DPP10: variants seen among roughly 807,000 people sequenced by gnomAD.
DPP10 encodes the protein dipeptidyl peptidase like 10.
Under a neutral mutation model 120.9 loss-of-function variants are expected in DPP10, and 33 were observed. The ratio of observed to expected loss-of-function variants is 0.27; its 90% CI spans 0.21 to 0.37. DPP10 has a LOEUF of 0.37. Among genes scored for constraint, DPP10 ranks in the 10% least tolerant of loss-of-function variants. DPP10 has a pLI of 1.00. For missense variants in DPP10, 816 were observed against 942.8 expected, an observed-to-expected ratio of 0.87 and a Z score of 1.76; for synonymous variants, 337 against 326.1, an observed-to-expected ratio of 1.03 and a Z score of -0.36.
chr2:114,818,316 A>T, intron 1 of DPP10, among the ~76,000 whole-genome samples: 1 of 152,180 alleles, frequency 6.6e-6, no homozygotes, highest in Admixed American at 6.5e-5. Flanking sequence ...TCTTAGGACT[A>T]TGCTCTCTAA....
chr2:115,376,523 G>A (rs2065807591), intron 3 of DPP10, among the ~76,000 whole-genome samples: 1 of 150,594 alleles, frequency 6.6e-6, no homozygotes, highest in South Asian at 2.1e-4. Flanking sequence ...GATTCTAATA[G>A]TCCCTTTCTT....
At chr2:115,046,131 A>G (rs1212380163) in intron 1 of DPP10, among the ~76,000 whole-genome samples, 1 of 152,204 alleles carries the variant, frequency 6.6e-6, no homozygotes, top group African/African-American at 2.4e-5. Context: ...TTGGTGAGAT[A>G]GGGAGGTAAC....
chr2:115,577,187 C>G (rs1034763024), intron 5 of DPP10, among the ~76,000 whole-genome samples: 1 of 152,172 alleles, frequency 6.6e-6, no homozygotes, highest in Non-Finnish European at 1.5e-5. Flanking sequence ...CTCACTGACT[C>G]CCAGGCCTAA....
chr2:115,476,627 C>G (rs1055247481), intron 3 of DPP10, among the ~76,000 whole-genome samples: 3 of 152,068 alleles, frequency 2.0e-5, no homozygotes. Context: ...GGATATGGCA[C>G]TAAGCAATTA....
intron 5 of DPP10, among the ~76,000 whole-genome samples, chr2:115,601,299 A>G (rs1057049175): frequency 5.3e-5 from 8 of 152,180 alleles, no homozygotes; most frequent in Non-Finnish European, 1.0e-4. Context: ...CTAAGATTCA[A>G]TTAGGTTTCT....
In DPP10 at chr2:114,786,635, A is replaced by C. The variant is rs192078337; in HGVS notation, c.60+343797A>C. 4.6e-5 allele frequency among the ~76,000 whole-genome samples: 7 copies of C among 152,330 alleles called. No individual in the cohort carries two copies. The East Asian group carries it at 1.4e-3, about 29-fold the overall frequency. On this transcript the variant is annotated intron_variant, in intron 1 of 25. Coordinates refer to ENST00000410059, the MANE Select transcript of DPP10 (RefSeq NM_020868.6). ...AATACAGAAATTATCAGGTAGAAAAATGTCTCATTAGGAGCTCATCCAGAA... is the reference window on the plus strand; with the variant it reads ...AATACAGAAATTATCAGGTAGAAAACTGTCTCATTAGGAGCTCATCCAGAA...
intron 3 of DPP10, among the ~76,000 whole-genome samples, chr2:115,497,375 T>G (rs1460553979): frequency 6.6e-6 from 1 of 152,122 alleles, no homozygotes; most frequent in Non-Finnish European, 1.5e-5. Flanking sequence ...ACAGCCAGCC[T>G]ACGAGCCTAA....
chr2:114,943,881 C>T (rs1428991621), intron 1 of DPP10, among the ~76,000 whole-genome samples: 2 of 152,112 alleles, frequency 1.3e-5, no homozygotes, highest in East Asian at 3.9e-4. Flanking sequence ...TGAACAACTG[C>T]CTCACTGCAG....
At chr2:114,784,136 A>G (rs1682565234) in intron 1 of DPP10, among the ~76,000 whole-genome samples, 1 of 152,082 alleles carries the variant, frequency 6.6e-6, no homozygotes, top group Non-Finnish European at 1.5e-5. Context: ...ATGCAGGTTC[A>G]CAGAAGTCCC....
chr2:115,063,854 G>A (rs1573477424), intron 1 of DPP10, among the ~76,000 whole-genome samples: 2 of 152,082 alleles, frequency 1.3e-5, no homozygotes, highest in East Asian at 3.9e-4. Context: ...CATAGACAAG[G>A]GCAAAAATTT....
At chr2:115,524,086 A>G (rs2077985565) in intron 4 of DPP10, among the ~76,000 whole-genome samples, 1 of 152,124 alleles carries the variant, frequency 6.6e-6, no homozygotes, top group African/African-American at 2.4e-5. Flanking sequence ...TTAATAACCT[A>G]TGTCATTCCA....
At chr2:115,405,420 C>CT (rs1241295683) in intron 3 of DPP10, among the ~76,000 whole-genome samples, 1 of 152,164 alleles carries the variant, frequency 6.6e-6, no homozygotes, top group East Asian at 1.9e-4. Flanking sequence ...CGTGTGGCTA[C>CT]TGTCATGGAT....
At chr2:115,226,216 C>T (rs948435692) in intron 1 of DPP10, among the ~76,000 whole-genome samples, 8 of 152,058 alleles carry the variant, frequency 5.3e-5, no homozygotes, top group African/African-American at 1.9e-4. Context: ...TAGGGATTAT[C>T]TTCTATTACA....
chr2:114,659,504 T>C (rs1207674009), intron 1 of DPP10, among the ~76,000 whole-genome samples: 1 of 152,172 alleles, frequency 6.6e-6, no homozygotes, highest in Non-Finnish European at 1.5e-5. Context: ...TGGGGTTTAG[T>C]ATTAGGCCTA....
At chr2:115,788,087 A>C (rs1194059663) in intron 17 of DPP10, among the ~76,000 whole-genome samples, 1 of 152,128 alleles carries the variant, frequency 6.6e-6, no homozygotes, top group Non-Finnish European at 1.5e-5. Flanking sequence ...CTAAATAACA[A>C]ATTGATCAAT....
At chr2:115,391,368 A>T (rs779268170) in intron 3 of DPP10, among the ~76,000 whole-genome samples, 5 of 152,168 alleles carry the variant, frequency 3.3e-5, no homozygotes, top group Non-Finnish European at 1.5e-5. Context: ...ATCTGAGATC[A>T]TTCTATCTTA....
At chr2:115,116,958 A>G (rs1195603833) in intron 1 of DPP10, among the ~76,000 whole-genome samples, 1 of 152,194 alleles carries the variant, frequency 6.6e-6, no homozygotes, top group African/African-American at 2.4e-5. Context: ...AACTAATAGA[A>G]CATATATATG....
At chr2:114,906,617 G>A (rs1227434642) in intron 1 of DPP10, among the ~76,000 whole-genome samples, 1 of 152,072 alleles carries the variant, frequency 6.6e-6, no homozygotes, top group Non-Finnish European at 1.5e-5. Flanking sequence ...AGATGACCAT[G>A]AGGTTATTGT....
chr2:114,736,380 T>C (rs1677440114), intron 1 of DPP10, among the ~76,000 whole-genome samples: 1 of 152,180 alleles, frequency 6.6e-6, no homozygotes, highest in African/African-American at 2.4e-5. Flanking sequence ...CCTCGCTTAT[T>C]GTTATTTCTT....
Sources: gnomAD v4.1 joint callset for allele counts (sites outside exome capture counted in the v4.1 genomes callset) on GRCh38, gnomAD v4.1.1 for gene constraint, MANE v1.5 for transcripts, NCBI Gene and HGNC (gene_info 2026-07-23, HGNC 2026-07-21) for gene names.